Variants in CCDC171 observed in about 807,000 individuals in gnomAD.
The protein encoded by CCDC171 is coiled-coil domain-containing protein 171.
In CCDC171, 177 loss-of-function variants were observed where a neutral mutation model predicts 168.2. That is an observed-to-expected ratio of 1.05 (90% CI 0.93 to 1.19). The LOEUF is 1.19. Ranked by LOEUF, CCDC171 falls within the 50% of genes most tolerant of loss-of-function variation. The pLI is 0.00. For missense variants in CCDC171, 1,991 were observed against 1,539.0 expected, an observed-to-expected ratio of 1.29 and a Z score of -4.91; for synonymous variants, 687 against 540.8, an observed-to-expected ratio of 1.27 and a Z score of -3.75.
intron 25 of CCDC171, among the ~76,000 whole-genome samples, chr9:15,929,816 C>T (rs1412271041): frequency 6.6e-6 from 1 of 151,670 alleles, no homozygotes; most frequent in Admixed American, 6.6e-5. Context: ...TTAAAGATTT[C>T]TCATATTCTA....
chr9:15,855,260 T>C (rs568586153), intron 23 of CCDC171, among the ~76,000 whole-genome samples: 17 of 151,954 alleles, frequency 1.1e-4, no homozygotes, highest in Non-Finnish European at 1.5e-4. Flanking sequence ...ATGTGGAAAT[T>C]GTTATATCTT....
chr9:15,828,678 A>G (rs1165095321), intron 21 of CCDC171, among the ~76,000 whole-genome samples: 1 of 152,220 alleles, frequency 6.6e-6, no homozygotes, highest in African/African-American at 2.4e-5. Flanking sequence ...TATTATGTGT[A>G]AAAGCCGTAG....
intron 25 of CCDC171, among the ~76,000 whole-genome samples, chr9:15,947,814 A>T (rs1828597662): frequency 6.7e-6 from 1 of 149,828 alleles, no homozygotes; most frequent in South Asian, 2.1e-4. Flanking sequence ...TATTTTTTTT[A>T]ATTTTTTTAT....
intron 23 of CCDC171, among the ~76,000 whole-genome samples, chr9:15,852,104 A>G (rs1485119794): frequency 6.6e-6 from 1 of 151,816 alleles, no homozygotes; most frequent in Non-Finnish European, 1.5e-5. Flanking sequence ...TGTAGCTAGG[A>G]GTGGAACTGC....
At chr9:15,953,699 T>C (rs1440795916) in intron 25 of CCDC171, among the ~76,000 whole-genome samples, 1 of 152,178 alleles carries the variant, frequency 6.6e-6, no homozygotes, top group Non-Finnish European at 1.5e-5. Flanking sequence ...ATAAAATTTA[T>C]TTGGAAGTGT....
At chr9:16,103,990 G>T in the CCDC171 span, among the ~76,000 whole-genome samples, 7 of 152,202 alleles carry the variant, frequency 4.6e-5, no homozygotes, top group African/African-American at 1.7e-4. Flanking sequence ...GATGCCGGCT[G>T]GTGGGTCTCC....
At chr9:15,811,066 T>C (rs1172755064) in intron 21 of CCDC171, among the ~76,000 whole-genome samples, 1 of 152,230 alleles carries the variant, frequency 6.6e-6, no homozygotes, top group Non-Finnish European at 1.5e-5. Context: ...TGTTGTACAG[T>C]GCTGGTCGAG....
At chr9:15,991,645 G>GT (rs899401396) in intron 3 of CCDC171, among the ~76,000 whole-genome samples, 90 of 152,202 alleles carry the variant, frequency 5.9e-4, no homozygotes, top group African/African-American at 1.9e-3. Flanking sequence ...CCAGGAGGTG[G>GT]TTTTTTGAAA....
intron 21 of CCDC171, among the ~76,000 whole-genome samples, chr9:15,817,340 A>T (rs949204781): frequency 4.2e-5 from 5 of 117,728 alleles, no homozygotes; most frequent in African/African-American, 1.6e-4. Context: ...AGTGCCGAAC[A>T]GTGGGTGCAG....
At chr9:15,750,323 A>C (rs2055634012) in intron 18 of CCDC171, among the ~76,000 whole-genome samples, 1 of 152,200 alleles carries the variant, frequency 6.6e-6, no homozygotes, top group Non-Finnish European at 1.5e-5. Context: ...TGAGGCAATA[A>C]TTAATAGCCT....
chr9:16,045,345 G>A (rs902109800), intron 1 of CCDC171, among the ~76,000 whole-genome samples: 2 of 152,180 alleles, frequency 1.3e-5, no homozygotes, highest in East Asian at 1.9e-4. Flanking sequence ...AGCCCAGGAG[G>A]CTTGTCAACC....
intron 24 of CCDC171, among the ~76,000 whole-genome samples, chr9:15,894,727 C>A (rs1402754324): frequency 6.6e-6 from 1 of 152,106 alleles, no homozygotes; most frequent in African/African-American, 2.4e-5. Context: ...CGAATTTCCA[C>A]AAGGCTCACT....
chr9:16,078,055 A>AACAC, the CCDC171 span, among the ~76,000 whole-genome samples: 2,657 of 143,818 alleles, frequency 0.018, 31 homozygotes, highest in South Asian at 0.048. Context: ...CACCCATGCA[A>AACAC]ACACACACAC....
intron 6 of CCDC171, among the ~76,000 whole-genome samples, chr9:16,034,320 G>A (rs1412627120): frequency 6.6e-6 from 1 of 152,146 alleles, no homozygotes; most frequent in Non-Finnish European, 1.5e-5. Context: ...TCAGGAGGGA[G>A]GCCACCTAAT....
intron 18 of CCDC171, among the ~76,000 whole-genome samples, chr9:15,758,483 A>G (rs1185281777): frequency 6.6e-6 from 1 of 152,192 alleles, no homozygotes; most frequent in Non-Finnish European, 1.5e-5. Context: ...CATAGGTGGA[A>G]GGGACTTGCC....
chr9:15,707,909 A>G (rs1186841181), intron 11 of CCDC171, among the ~76,000 whole-genome samples: 1 of 152,198 alleles, frequency 6.6e-6, no homozygotes, highest in Non-Finnish European at 1.5e-5. Context: ...ATGCAGTGGC[A>G]TGATCCTGGC....
At chr9:15,958,090 GA>G (rs1211546354) in intron 25 of CCDC171, among the ~76,000 whole-genome samples, 1 of 152,012 alleles carries the variant, frequency 6.6e-6, no homozygotes, top group Non-Finnish European at 1.5e-5. Context: ...ATATGGATTA[GA>G]ATAAGTCCAT....
At chr9:15,916,718 T>C (rs1314165982) in intron 24 of CCDC171, among the ~76,000 whole-genome samples, 1 of 152,076 alleles carries the variant, frequency 6.6e-6, no homozygotes, top group African/African-American at 2.4e-5. Context: ...CTTTTTATAT[T>C]CTAATGCACG....
At chr9:15,886,218 T>A (rs1022569470) in intron 24 of CCDC171, 3 of 152,162 alleles carry the variant, frequency 2.0e-5, no homozygotes, top group Non-Finnish European at 2.9e-5. Context: ...GGAAAAACTA[T>A]TTATAAACTG....
Sources: gnomAD v4.1 joint callset for allele counts (sites outside exome capture counted in the v4.1 genomes callset) on GRCh38, gnomAD v4.1.1 for gene constraint, MANE v1.5 for transcripts, NCBI Gene and HGNC (gene_info 2026-07-23, HGNC 2026-07-21) for gene names.